Variants in PRKCQ observed in about 807,000 individuals in gnomAD.
The protein encoded by PRKCQ is protein kinase C theta type.
Under a neutral mutation model 91.2 loss-of-function variants are expected in PRKCQ, and 41 were observed. That is an observed-to-expected ratio of 0.45 (90% CI 0.35 to 0.58). The LOEUF is 0.58. Among genes scored for constraint, PRKCQ ranks in the 20% least tolerant of loss-of-function variants. PRKCQ has a pLI of 0.00. For synonymous variants in PRKCQ, 307 were observed against 316.9 expected (o/e 0.97, Z 0.33); for missense variants, 673 against 896.5 (o/e 0.75, Z 3.18).
intron 1 of PRKCQ, among the ~76,000 whole-genome samples, chr10:6,540,141 C>T (rs1230497446): frequency 6.6e-6 from 1 of 152,176 alleles, no homozygotes; most frequent in Non-Finnish European, 1.5e-5. Flanking sequence ...TTTGCCCAGA[C>T]ACACAAAGTT....
At chr10:6,480,526 T>C (rs1023162010) in intron 11 of PRKCQ, among the ~76,000 whole-genome samples, 8 of 152,256 alleles carry the variant, frequency 5.3e-5, no homozygotes, top group African/African-American at 1.9e-4. Context: ...CAGAAAATTC[T>C]AGCTCTAGTT....
At chr10:6,515,192 T>G in intron 1 of PRKCQ, 48 bp from the exon 2 acceptor site, 3 of 1,607,726 alleles carry the variant, frequency 1.9e-6, no homozygotes, top group Non-Finnish European at 2.5e-6. Context: ...ATAAAAGATA[T>G]TATTTTTGGT....
rs1303499578 is a variant in PRKCQ, at chr10:6,514,825, G to A, written c.118+193C>T. 2.6e-5 allele frequency among the ~76,000 whole-genome samples: 4 copies of A among 152,128 alleles called. No individual in the cohort carries two copies. In the East Asian group the frequency reaches 5.8e-4, roughly 22 times the overall value. On this transcript the variant is annotated intron_variant, in intron 2 of 17. Coordinates refer to ENST00000263125, the MANE Select transcript of PRKCQ (RefSeq NM_006257.5). ...CAATAGAGCACCGGTGGGCCATCGG[G>A]TCCTGGTTTAGAGTCCATCACGAAA... is the stretch of plus-strand genomic sequence containing the variant.
chr10:6,574,505 G>T (rs112986807), intron 1 of PRKCQ, among the ~76,000 whole-genome samples: 21 of 152,292 alleles, frequency 1.4e-4, no homozygotes, highest in African/African-American at 5.1e-4. Flanking sequence ...GGAGGATAAC[G>T]TATATGGTTC....
rs1835026629 is a variant in PRKCQ, at chr10:6,456,663, T to C, written c.1647+11A>G. The stretch of plus-strand genomic sequence containing the variant: ...TGGTGAGGTGGGAGCAGCCTGTCAC[T>C]GCATTCCTACCTCTGGGGCGATGTA... On this transcript the variant is annotated intron_variant, in intron 15 of 17. Coordinates refer to ENST00000263125, the MANE Select transcript of PRKCQ (RefSeq NM_006257.5). 1.2e-6 allele frequency: 2 copies of C among 1,613,782 alleles called. No individual in the cohort carries two copies. The highest frequency in any genetic ancestry group is 1.3e-5 in the African/African-American group (1 of 74,922).
At chr10:6,401,683 G>A in the PRKCQ span, among the ~76,000 whole-genome samples, 1 of 152,242 alleles carries the variant, frequency 6.6e-6, no homozygotes, top group African/African-American at 2.4e-5. Context: ...TGATTCCCAC[G>A]GGCTTTCCTG....
chr10:6,485,974 G>T, intron 9 of PRKCQ, 61 bp downstream of exon 9: 1 of 1,399,726 alleles, frequency 7.1e-7, no homozygotes, highest in Non-Finnish European at 1.0e-6. Flanking sequence ...AGCAGCAGAA[G>T]TGCATGGACA....
chr10:6,418,953 TA>T, the PRKCQ span, among the ~76,000 whole-genome samples: 1 of 137,570 alleles, frequency 7.3e-6, no homozygotes, highest in African/African-American at 2.8e-5. Context: ...CTATCTTATC[TA>T]ATATCTATCT....
chr10:6,464,167 G>T, intron 13 of PRKCQ, 146 bp downstream of exon 13: 1 of 743,410 alleles, frequency 1.3e-6, no homozygotes, highest in Non-Finnish European at 2.4e-6. Flanking sequence ...TTCACAACCT[G>T]GGAAAACTGT....
intron 15 of PRKCQ, among the ~76,000 whole-genome samples, chr10:6,447,269 T>C (rs1049297928): frequency 6.6e-6 from 1 of 151,938 alleles, no homozygotes; most frequent in African/African-American, 2.4e-5. Flanking sequence ...TAGCCGGGCA[T>C]GGTGGCACGC....
chr10:6,423,357 T>C (rs1833048675), downstream of PRKCQ, among the ~76,000 whole-genome samples: 1 of 152,088 alleles, frequency 6.6e-6, no homozygotes, highest in Non-Finnish European at 1.5e-5. Flanking sequence ...TCCGGACTTA[T>C]TTAGGACGCA....
intron 7 of PRKCQ, among the ~76,000 whole-genome samples, chr10:6,494,830 C>T (rs1467122690): frequency 6.6e-6 from 1 of 152,176 alleles, no homozygotes; most frequent in South Asian, 2.1e-4. Flanking sequence ...GGGCCCTTGT[C>T]CCAGAGGAAT....
At chr10:6,474,109 G>T (rs1836140127) in intron 12 of PRKCQ, among the ~76,000 whole-genome samples, 1 of 152,206 alleles carries the variant, frequency 6.6e-6, no homozygotes, top group African/African-American at 2.4e-5. Flanking sequence ...AATAGAAAGT[G>T]AAACTCAGTT....
At chr10:6,472,351 C>T (rs1338128064) in intron 12 of PRKCQ, among the ~76,000 whole-genome samples, 2 of 152,076 alleles carry the variant, frequency 1.3e-5, no homozygotes, top group African/African-American at 4.8e-5. Flanking sequence ...AGGAAAGATG[C>T]GGCATTTCAG....
intron 1 of PRKCQ, among the ~76,000 whole-genome samples, chr10:6,545,736 G>A (rs1839927142): frequency 6.6e-6 from 1 of 152,224 alleles, no homozygotes; most frequent in African/African-American, 2.4e-5. Context: ...GTTCAGGCCA[G>A]GCACGGTGGC....
At chr10:6,577,178 C>T (rs976971162) in intron 1 of PRKCQ, among the ~76,000 whole-genome samples, 2 of 152,162 alleles carry the variant, frequency 1.3e-5, no homozygotes, top group Non-Finnish European at 2.9e-5. Flanking sequence ...TGATTCTGGG[C>T]TTGAGTGAGC....
the PRKCQ span, among the ~76,000 whole-genome samples, chr10:6,412,158 C>T: frequency 2.0e-5 from 3 of 152,278 alleles, no homozygotes; most frequent in African/African-American, 7.2e-5. Flanking sequence ...GAGATTCTCC[C>T]ATCTCAGCCT....
chr10:6,540,897 C>A (rs1187626822), intron 1 of PRKCQ, among the ~76,000 whole-genome samples: 1 of 152,110 alleles, frequency 6.6e-6, no homozygotes, highest in African/African-American at 2.4e-5. Context: ...ACCACCTTCC[C>A]TTTTTTTGGT....
At chr10:6,438,669 C>T (rs890860069) in intron 16 of PRKCQ, among the ~76,000 whole-genome samples, 4 of 152,054 alleles carry the variant, frequency 2.6e-5, no homozygotes, top group Non-Finnish European at 5.9e-5. Context: ...GATCATGGCT[C>T]ATTGTAACCT....
Sources: gnomAD v4.1 joint callset for allele counts (sites outside exome capture counted in the v4.1 genomes callset) on GRCh38, gnomAD v4.1.1 for gene constraint, MANE v1.5 for transcripts, NCBI Gene and HGNC (gene_info 2026-07-23, HGNC 2026-07-21) for gene names.